PREX2: variants seen among roughly 807,000 people sequenced by gnomAD.
PREX2 encodes phosphatidylinositol 3,4,5-trisphosphate-dependent Rac exchanger 2 protein.
A neutral mutation model predicts 203.2 loss-of-function variants in PREX2; 107 were observed. The ratio of observed to expected loss-of-function variants is 0.53; its 90% CI spans 0.45 to 0.62. The LOEUF (loss-of-function observed/expected upper bound fraction) is 0.62, where lower values mean the gene tolerates loss of function less well. Among genes scored for constraint, PREX2 ranks in the 20% least tolerant of loss-of-function variants. PREX2 has a pLI of 0.00. For synonymous variants in PREX2, 672 were observed against 663.6 expected (o/e 1.01, Z -0.19); for missense variants, 1,777 against 1,955.9 (o/e 0.91, Z 1.72).
At chr8:67,954,522 C>T (rs1196520330) in intron 1 of PREX2, among the ~76,000 whole-genome samples, 1 of 152,172 alleles carries the variant, frequency 6.6e-6, no homozygotes, top group African/African-American at 2.4e-5. Flanking sequence ...TTAATCTATG[C>T]AAACCCTTTG....
At chr8:68,077,343 G>A (rs376001192) in intron 14 of PREX2, 54 bp from the exon 15 acceptor site, 1 of 1,280,804 alleles carries the variant, frequency 7.8e-7, no homozygotes. Context: ...GAGCAAAGCT[G>A]CCACAAAGCC....
intron 1 of PREX2, among the ~76,000 whole-genome samples, chr8:67,960,349 G>GT (rs1045423543): frequency 4.0e-5 from 6 of 151,424 alleles, no homozygotes; most frequent in Non-Finnish European, 5.9e-5. Context: ...GCCGGAAGTG[G>GT]TTTTTTTTTC....
intron 1 of PREX2, 34 bp from the exon 2 acceptor site, chr8:68,017,812 T>G: frequency 6.4e-7 from 1 of 1,569,942 alleles, no homozygotes; most frequent in Non-Finnish European, 8.7e-7. Context: ...ATTAACCTAA[T>G]GTTACCTTCA....
intron 33 of PREX2, 125 bp from the exon 34 acceptor site, chr8:68,146,084 T>G (rs1237783708): frequency 1.6e-6 from 1 of 635,936 alleles, no homozygotes; most frequent in African/African-American, 1.8e-5. Flanking sequence ...CCCAACTTGA[T>G]AAACATGATC....
intron 37 of PREX2, among the ~76,000 whole-genome samples, chr8:68,211,344 C>A (rs1282587861): frequency 6.6e-6 from 1 of 152,160 alleles, no homozygotes; most frequent in Non-Finnish European, 1.5e-5. Flanking sequence ...TCCAGGTTTA[C>A]TTTAATGAAC....
chr8:68,179,714 T>C (rs771147693), intron 35 of PREX2, among the ~76,000 whole-genome samples: 2 of 152,152 alleles, frequency 1.3e-5, no homozygotes, highest in Non-Finnish European at 2.9e-5. Context: ...GAATATTGCT[T>C]TGTACCTTAA....
intron 37 of PREX2, among the ~76,000 whole-genome samples, chr8:68,198,582 A>G (rs2129614839): frequency 6.6e-6 from 1 of 152,272 alleles, no homozygotes; most frequent in Non-Finnish European, 1.5e-5. Flanking sequence ...TTTTTCTTTA[A>G]CCAATATAAA....
chr8:68,096,993 G>C (rs762751208), intron 21 of PREX2, 24 bp from the exon 22 acceptor site: 1 of 1,588,966 alleles, frequency 6.3e-7, no homozygotes, highest in South Asian at 1.1e-5. Flanking sequence ...TGAATTTACT[G>C]AGTTACAGTT....
At chr8:68,006,722 A>C (rs1807109683) in intron 1 of PREX2, among the ~76,000 whole-genome samples, 1 of 152,208 alleles carries the variant, frequency 6.6e-6, no homozygotes, top group African/African-American at 2.4e-5. Context: ...AAACCAGATT[A>C]ATTATCACAC....
At chr8:68,159,480 G>A (rs768006538) in intron 35 of PREX2, among the ~76,000 whole-genome samples, 2 of 152,162 alleles carry the variant, frequency 1.3e-5, no homozygotes, top group Admixed American at 6.6e-5. Context: ...GCCAATCCAA[G>A]GATTTGCCCT....
intron 6 of PREX2, among the ~76,000 whole-genome samples, chr8:68,034,576 TG>T: frequency 6.6e-6 from 1 of 152,258 alleles, no homozygotes; most frequent in East Asian, 1.9e-4. Context: ...ATGAAGGTGT[TG>T]GGATAAATGA....
intron 23 of PREX2, chr8:68,103,502 T>A (rs1253523921): frequency 1.2e-5 from 6 of 516,942 alleles, no homozygotes; most frequent in African/African-American, 9.6e-5. Flanking sequence ...ATGTTTTATA[T>A]CACCTACATT....
rs548365890 is a variant in PREX2, at chr8:67,965,485, A to T, written c.141+12950A>T. The stretch of plus-strand genomic sequence containing the variant: ...TGTATAATTAACATATGTAATTATT[A>T]TGAGTGTATATGTATATATATATGT... On this transcript the variant is annotated intron_variant, in intron 1 of 39. Coordinates refer to ENST00000288368, the MANE Select transcript of PREX2 (RefSeq NM_024870.4). Among the ~76,000 whole-genome samples the T allele has an allele frequency of 2.8e-5, 4 of 144,058 alleles. No individual in the cohort carries two copies. The South Asian group carries it at 9.5e-4, about 34-fold the overall frequency. The allele number at this position is 144,058 out of a possible 152,430, so 94.5% of individuals were successfully genotyped here. A position where few individuals can be genotyped will look rare whatever the true frequency, so the allele number is the denominator to read the frequency against.
chr8:68,183,689 G>A (rs560956042), intron 35 of PREX2, among the ~76,000 whole-genome samples: 2 of 152,160 alleles, frequency 1.3e-5, no homozygotes, highest in East Asian at 1.9e-4. Context: ...GCAGAGAATA[G>A]GATTTCAACC....
intron 9 of PREX2, among the ~76,000 whole-genome samples, chr8:68,053,964 G>A (rs1808598903): frequency 6.6e-6 from 1 of 152,166 alleles, no homozygotes; most frequent in African/African-American, 2.4e-5. Context: ...AGAAATGCTT[G>A]TATTTCTACT....
intron 1 of PREX2, among the ~76,000 whole-genome samples, chr8:67,977,811 A>C (rs566065760): frequency 1.6e-4 from 24 of 152,336 alleles, no homozygotes; most frequent in African/African-American, 5.3e-4. Context: ...ATAGCTGAAC[A>C]TGTAGAGTTT....
At chr8:68,154,074 G>A (rs1043739722) in intron 34 of PREX2, among the ~76,000 whole-genome samples, 3 of 152,184 alleles carry the variant, frequency 2.0e-5, no homozygotes, top group African/African-American at 7.2e-5. Context: ...TTTCCCCCAA[G>A]CCCTCTCCCC....
At chr8:68,022,995 G>T (rs1037022874) in intron 4 of PREX2, among the ~76,000 whole-genome samples, 2 of 152,114 alleles carry the variant, frequency 1.3e-5, no homozygotes, top group Non-Finnish European at 2.9e-5. Flanking sequence ...CTGTTCCATT[G>T]TATGGATATG....
intron 1 of PREX2, among the ~76,000 whole-genome samples, chr8:67,959,959 G>C (rs1228042438): frequency 6.6e-6 from 1 of 152,136 alleles, no homozygotes; most frequent in Non-Finnish European, 1.5e-5. Context: ...ACCTCACAGG[G>C]CTGGCCTGAA....
Sources: gnomAD v4.1 joint callset for allele counts (sites outside exome capture counted in the v4.1 genomes callset) on GRCh38, gnomAD v4.1.1 for gene constraint, MANE v1.5 for transcripts, NCBI Gene and HGNC (gene_info 2026-07-23, HGNC 2026-07-21) for gene names.